Variants in ACACB observed in about 807,000 individuals in gnomAD.
ACACB encodes acetyl-CoA carboxylase beta.
A neutral mutation model predicts 278.8 loss-of-function variants in ACACB; 209 were observed. The observed-to-expected ratio is 0.75, with a 90% confidence interval of 0.67 to 0.84. The LOEUF is 0.84. Ranked by LOEUF, ACACB falls within the 40% of genes least tolerant of loss-of-function variation. ACACB has a pLI of 0.00. For synonymous variants in ACACB, 1,174 were observed against 1,285.6 expected, an observed-to-expected ratio of 0.91 and a Z score of 1.86; for missense variants, 2,850 against 3,269.0, an observed-to-expected ratio of 0.87 and a Z score of 3.13.
chr12:109,125,710 A>C (rs1459160012), intron 1 of ACACB: 1 of 152,222 alleles, frequency 6.6e-6, no homozygotes, highest in African/African-American at 2.4e-5. Flanking sequence ...TATGAGGAAG[A>C]CTTCCTTATC....
At chr12:109,255,304 T>C (rs1030559903) in intron 44 of ACACB, among the ~76,000 whole-genome samples, 3 of 152,196 alleles carry the variant, frequency 2.0e-5, no homozygotes, top group Non-Finnish European at 2.9e-5. Flanking sequence ...TGCTGCTACC[T>C]TTAGACTTGG....
Position 109,242,424 on chromosome 12 carries a change from C to T in ACACB, c.5023-13C>T, listed in dbSNP as rs1302196268. 2 of 1,610,914 alleles carry T rather than the reference C, an allele frequency of 1.2e-6. No individual in the cohort carries two copies. The highest frequency in any genetic ancestry group is 2.7e-5 in the African/African-American group (2 of 74,866). On this transcript the variant is annotated splice_polypyrimidine_tract_variant and intron_variant, in intron 36 of 52. Coordinates refer to ENST00000338432, the MANE Select transcript of ACACB (RefSeq NM_001093.4). ...TCTCTCTCACTCTCTGTTTTCCCTC[C>T]TTTCTGGTCCAGATCATGTTTCACT...
At chr12:109,206,677 TCCTGA>T in intron 19 of ACACB, 28 bp from the exon 20 acceptor site, 1 of 1,611,760 alleles carries the variant, frequency 6.2e-7, no homozygotes, top group Non-Finnish European at 8.5e-7. Flanking sequence ...CCCAGAGTTT[TCCTGA>T]CCTGTCGTTC....
intron 1 of ACACB, among the ~76,000 whole-genome samples, chr12:109,119,674 A>C (rs2135933556): frequency 6.6e-6 from 1 of 152,234 alleles, no homozygotes; most frequent in East Asian, 1.9e-4. Flanking sequence ...AGGCAGGCAG[A>C]TCACTTGAGG....
chr12:109,121,525 G>A (rs76002668), intron 1 of ACACB, among the ~76,000 whole-genome samples: 6,341 of 152,216 alleles, frequency 0.042, 452 homozygotes, highest in African/African-American at 0.15. Flanking sequence ...GAAGAGATCA[G>A]GGAACTGTGG....
At chr12:109,265,342 G>C (rs372630103) in intron 51 of ACACB, 47 bp from the exon 52 acceptor site, 2 of 1,610,716 alleles carry the variant, frequency 1.2e-6, no homozygotes, top group East Asian at 4.5e-5. Flanking sequence ...GAGACAGCTG[G>C]CCCACAGCTG....
chr12:109,221,901 G>C (rs1347885104), intron 24 of ACACB, among the ~76,000 whole-genome samples: 2 of 150,150 alleles, frequency 1.3e-5, no homozygotes, highest in Non-Finnish European at 3.0e-5. Flanking sequence ...TTTTGGGGGG[G>C]AGACAGAGTC....
At chr12:109,143,605 T>C (rs2043172600) in intron 2 of ACACB, among the ~76,000 whole-genome samples, 1 of 152,154 alleles carries the variant, frequency 6.6e-6, no homozygotes, top group Non-Finnish European at 1.5e-5. Flanking sequence ...ATTTAGAATT[T>C]TAGCACCCAG....
In ACACB at chr12:109,183,982, A is replaced by G. The variant is rs143070305; in HGVS notation, c.1819-1597A>G. On this transcript the variant is annotated intron_variant, in intron 11 of 52. Transcript: ENST00000338432. ...TACAATTAATACCCATACGCCCTGC[A>G]TATAGATCCATCAGTTGCCACATTT... Among the ~76,000 whole-genome samples the G allele has an allele frequency of 3.4e-4, 51 of 152,038 alleles. No individual in the cohort carries two copies. The East Asian group carries it at 7.5e-3, about 22-fold the overall frequency.
At chr12:109,256,879 T>C (rs2047238298) in intron 45 of ACACB, among the ~76,000 whole-genome samples, 1 of 152,240 alleles carries the variant, frequency 6.6e-6, no homozygotes. Context: ...AAAGGATTAT[T>C]GTGATGATTA....
chr12:109,157,423 C>T (rs988305738), intron 2 of ACACB, among the ~76,000 whole-genome samples: 10 of 152,096 alleles, frequency 6.6e-5, no homozygotes, highest in Non-Finnish European at 1.3e-4. Context: ...AGGCATGCGC[C>T]ACCACACCCA....
chr12:109,242,724 A>G, intron 37 of ACACB, 132 bp downstream of exon 37: 1 of 1,123,858 alleles, frequency 8.9e-7, no homozygotes, highest in Non-Finnish European at 1.3e-6. Context: ...GCGGTGGCTC[A>G]CGCCTATAAT....
At chr12:109,190,498 C>T (rs1327449392) in intron 13 of ACACB, among the ~76,000 whole-genome samples, 1 of 152,262 alleles carries the variant, frequency 6.6e-6, no homozygotes, top group Non-Finnish European at 1.5e-5. Flanking sequence ...TGCCGTCCAT[C>T]TGCAGGTGCA....
rs776961179 is a variant in ACACB at position 109,222,637 on chromosome 12, C to T, written c.3678+17C>T. ...GCCCGGCAGGTAGGGTCTCAGGGTGCGGTCCCCACGATGTGCGTTTCCCCC... is the reference window on the plus strand; with the variant it reads ...GCCCGGCAGGTAGGGTCTCAGGGTGTGGTCCCCACGATGTGCGTTTCCCCC... On this transcript the variant is annotated intron_variant, in intron 25 of 52. Coordinates refer to ENST00000338432, the MANE Select transcript of ACACB (RefSeq NM_001093.4). 7 of 1,602,086 alleles carry T rather than the reference C, an allele frequency of 4.4e-6. No individual in the cohort carries two copies. Among genetic ancestry groups the T allele is most frequent in the African/African-American group, 1.3e-5 (1 of 74,760 alleles).
At position 109,258,376 on chromosome 12, in the gene ACACB, G is replaced by A. The variant is rs372238082; in HGVS notation, c.6360+12G>A. ...ATTCTGAGGCCAAGGTGAGGGGGCC[G>A]GGAGCTGTGGCTGCTGGTTTAGCCA... On this transcript the variant is annotated intron_variant, in intron 46 of 52. Transcript: ENST00000338432. 3.0e-4 allele frequency: 478 copies of A among 1,604,824 alleles called. 2 individuals carry two copies. The highest frequency in any genetic ancestry group is 7.0e-4 in the South Asian group (63 of 89,670).
intron 9 of ACACB, among the ~76,000 whole-genome samples, chr12:109,178,725 A>G (rs11065760): frequency 0.06 from 9,152 of 152,278 alleles, 324 homozygotes; most frequent in Non-Finnish European, 0.072. Context: ...ACAGCAGAGA[A>G]GGATCTGTCT....
At chr12:109,210,235 ATATATGTATATATACACACATGTGTG>A (rs1593577893) in intron 21 of ACACB, among the ~76,000 whole-genome samples, 1 of 21,076 alleles carries the variant, frequency 4.7e-5, no homozygotes, top group East Asian at 3.4e-3. Context: ...GTGTATATGT[ATATATGTATATATACACACATGTGTG>A]TATATGTACA....
chr12:109,180,218 T>C, intron 11 of ACACB, 131 bp downstream of exon 11: 1 of 871,986 alleles, frequency 1.1e-6, no homozygotes, highest in Non-Finnish European at 1.7e-6. Flanking sequence ...AAGAGCACTT[T>C]GAGAAATCTG....
intron 25 of ACACB, 79 bp downstream of exon 25, chr12:109,222,699 A>G: frequency 2.6e-6 from 4 of 1,518,348 alleles, no homozygotes; most frequent in South Asian, 1.1e-5. Context: ...CTCAGCCCTC[A>G]CCATGCACAG....
Sources: allele counts gnomAD v4.1 joint callset (sites outside exome capture counted in the v4.1 genomes callset), GRCh38; gene constraint gnomAD v4.1.1; transcripts MANE v1.5; gene names NCBI Gene and HGNC (gene_info 2026-07-23, HGNC 2026-07-21).